The following PPM1H variants were observed in gnomAD, a reference collection of about 807,000 sequenced individuals.
PPM1H encodes protein phosphatase 1H.
In PPM1H, 27 loss-of-function variants were observed where a neutral mutation model predicts 54.9. The observed-to-expected ratio is 0.49, with a 90% CI of 0.36 to 0.68. The LOEUF is 0.68. PPM1H is among the 30% of genes least tolerant of loss of function. The pLI is 0.00. For synonymous variants in PPM1H, 305 were observed against 270.8 expected (o/e 1.13, Z -1.24); for missense variants, 596 against 667.8 (o/e 0.89, Z 1.19).
chr12:62,766,134 T>C (rs769861216), intron 4 of PPM1H, among the ~76,000 whole-genome samples: 2 of 152,182 alleles, frequency 1.3e-5, no homozygotes, highest in Non-Finnish European at 1.5e-5. Flanking sequence ...CAGGGATTGA[T>C]GACAGAAGGG....
At chr12:62,737,188 T>A (rs192412664) in intron 5 of PPM1H, among the ~76,000 whole-genome samples, 50 of 147,338 alleles carry the variant, frequency 3.4e-4, no homozygotes, top group African/African-American at 1.3e-3. Flanking sequence ...TTTTCAAAAC[T>A]GCATTTCACA....
intron 5 of PPM1H, 69 bp downstream of exon 5, chr12:62,737,433 G>T (rs2076356848): frequency 2.7e-6 from 3 of 1,098,416 alleles, no homozygotes; most frequent in Non-Finnish European, 3.9e-6. Context: ...GTAGCAACGT[G>T]TTCCTCCAGA....
intron 2 of PPM1H, among the ~76,000 whole-genome samples, chr12:62,819,804 C>T (rs1440639740): frequency 1.3e-5 from 2 of 152,180 alleles, no homozygotes; most frequent in African/African-American, 2.4e-5. Context: ...AAACACGAGT[C>T]GGTTCCAAGA....
intron 9 of PPM1H, among the ~76,000 whole-genome samples, chr12:62,666,844 A>G (rs756055123): frequency 3.9e-5 from 6 of 152,028 alleles, no homozygotes; most frequent in Admixed American, 6.6e-5. Flanking sequence ...CTCCCGAGTA[A>G]CTGGGATTAC....
At chr12:62,825,326 G>A (rs1182653259) in intron 2 of PPM1H, among the ~76,000 whole-genome samples, 1 of 152,180 alleles carries the variant, frequency 6.6e-6, no homozygotes, top group African/African-American at 2.4e-5. Flanking sequence ...ACAGTGTGGT[G>A]ATTCCTCAGT....
chr12:62,747,418 G>A (rs2076419158), intron 4 of PPM1H, among the ~76,000 whole-genome samples: 1 of 152,220 alleles, frequency 6.6e-6, no homozygotes, highest in East Asian at 1.9e-4. Flanking sequence ...TTATAGGCGT[G>A]AGCCACTGTG....
chr12:62,837,800 AAGGATGTTATCCAGCCATGCGAGTTAG>A (rs1390329269), intron 1 of PPM1H, among the ~76,000 whole-genome samples: 7 of 152,244 alleles, frequency 4.6e-5, no homozygotes, highest in African/African-American at 2.4e-5. Flanking sequence ...GTCAGGACCC[AAGGATGTTATCCAGCCATGCGAGTTAG>A]AGGAGCATCT....
At chr12:62,846,738 T>C (rs1324046704) in intron 1 of PPM1H, among the ~76,000 whole-genome samples, 1 of 152,112 alleles carries the variant, frequency 6.6e-6, no homozygotes, top group Non-Finnish European at 1.5e-5. Flanking sequence ...CTGACAAACA[T>C]CCCTTGTCCT....
rs536485861 is a variant in PPM1H, at chr12:62,842,309, G to A, written c.246-10030C>T. On this transcript the variant is annotated intron_variant, in intron 1 of 9. Coordinates refer to ENST00000228705, the MANE Select transcript of PPM1H (RefSeq NM_020700.2). ...ATTTACCAGCTGTATCAGTACTATC[G>A]GCAATGTGAGAAATTTTTTTAAACA... Among the ~76,000 whole-genome samples, 20 of 151,666 alleles carry A rather than the reference G, an allele frequency of 1.3e-4. No individual in the cohort carries two copies. The South Asian group carries it at 3.5e-3, about 27-fold the overall frequency.
At chr12:62,811,207 T>C (rs572028529) in intron 2 of PPM1H, among the ~76,000 whole-genome samples, 3 of 152,314 alleles carry the variant, frequency 2.0e-5, no homozygotes, top group Non-Finnish European at 2.9e-5. Flanking sequence ...AGTGATGATA[T>C]GTATCTATGC....
At position 62,917,737 on chromosome 12, in the gene PPM1H, A is replaced by AT. The variant is rs112349829; in HGVS notation, c.245+16754dup. On this transcript the variant is annotated intron_variant, in intron 1 of 9. Coordinates refer to ENST00000228705, the MANE Select transcript of PPM1H (RefSeq NM_020700.2). The stretch of plus-strand genomic sequence containing the variant: ...TACTGAAGTTTATTTTTATTTTTTG[A>AT]TTTTTTTTTCTGGAGACGATATTAT... Among the ~76,000 whole-genome samples the AT allele has an allele frequency of 8.3e-3, 1,261 of 151,100 alleles. 21 individuals are homozygous for AT. Among genetic ancestry groups the AT allele is most frequent in the African/African-American group, 0.027 (1,126 of 41,194 alleles).
chr12:62,913,654 C>A (rs77348450), intron 1 of PPM1H, among the ~76,000 whole-genome samples: 1,619 of 152,176 alleles, frequency 0.011, 40 homozygotes, highest in African/African-American at 0.036. Context: ...GTACTTGGCA[C>A]CCAGACAAGT....
intron 4 of PPM1H, among the ~76,000 whole-genome samples, chr12:62,771,336 A>ACG (rs1331013447): frequency 6.7e-6 from 1 of 148,770 alleles, no homozygotes; most frequent in Non-Finnish European, 1.5e-5. Context: ...ACACACACAC[A>ACG]CACGGGCCTT....
At chr12:62,649,202 T>G (rs941853415) in intron 9 of PPM1H, among the ~76,000 whole-genome samples, 12 of 20,834 alleles carry the variant, frequency 5.8e-4, no homozygotes, top group East Asian at 1.5e-3. Flanking sequence ...GTTTTTTGGT[T>G]TTTTTTTTTA....
intron 4 of PPM1H, among the ~76,000 whole-genome samples, chr12:62,783,085 G>A (rs2076651262): frequency 1.3e-5 from 2 of 152,104 alleles, no homozygotes; most frequent in African/African-American, 4.8e-5. Context: ...TCCCACCTCG[G>A]CCTCCCAAAG....
intron 1 of PPM1H, among the ~76,000 whole-genome samples, chr12:62,851,980 T>C (rs1869205629): frequency 6.6e-6 from 1 of 151,414 alleles, no homozygotes; most frequent in Non-Finnish European, 1.5e-5. Context: ...ACGCCTGTAA[T>C]CCCAGCACTT....
chr12:62,934,058 T>G lies in PPM1H; in HGVS notation c.245+434A>C, dbSNP rs1872238676. ...AGCTCCCAGGCGCAGTGACATCTCC[T>G]CCAAGCCTCCACCCCCATAAACTCT... On this transcript the variant is annotated intron_variant, in intron 1 of 9. Coordinates refer to ENST00000228705, the MANE Select transcript of PPM1H (RefSeq NM_020700.2). This position sits in a 1 kb window ranked among gnomAD's most constrained non-coding sequence, Gnocchi z 4.2. The G allele has an allele frequency of 6.3e-6, 1 of 157,872 alleles. No homozygotes were observed. Among genetic ancestry groups the G allele is most frequent in the African/African-American group, 2.4e-5 (1 of 41,692 alleles). The allele number at this position is 157,872 out of a possible 1,614,324, so 9.8% of individuals were successfully genotyped here.
chr12:62,890,567 G>A (rs1191862782), intron 1 of PPM1H, among the ~76,000 whole-genome samples: 6 of 152,076 alleles, frequency 3.9e-5, no homozygotes, highest in African/African-American at 1.4e-4. Flanking sequence ...TGTTATGAAA[G>A]AATTGAGGGT....
chr12:62,654,942 T>C (rs1431932619), intron 9 of PPM1H, among the ~76,000 whole-genome samples: 1 of 152,194 alleles, frequency 6.6e-6, no homozygotes, highest in Non-Finnish European at 1.5e-5. Context: ...GTCGGATTCC[T>C]TCACACGGCT....
Sources: allele counts gnomAD v4.1 joint callset (sites outside exome capture counted in the v4.1 genomes callset), GRCh38; gene constraint gnomAD v4.1.1; non-coding constraint Gnocchi (gnomAD v3.1); transcripts MANE v1.5; gene names NCBI Gene and HGNC (gene_info 2026-07-23, HGNC 2026-07-21).